Variants in ROBO2 observed in about 807,000 individuals in gnomAD.
The protein encoded by ROBO2 is roundabout homolog 2.
Under a neutral mutation model 160.8 loss-of-function variants are expected in ROBO2, and 53 were observed. That is an observed-to-expected ratio of 0.33 (90% CI 0.26 to 0.41). The LOEUF (loss-of-function observed/expected upper bound fraction) is 0.41, where lower values mean the gene tolerates loss of function less well. Ranked by LOEUF, ROBO2 falls within the 10% of genes least tolerant of loss-of-function variation. The probability of loss-of-function intolerance (pLI) is 1.00; values close to 1 mark genes in which losing one functional copy is unlikely to be tolerated. For synonymous variants in ROBO2, 664 were observed against 611.7 expected, an observed-to-expected ratio of 1.09 and a Z score of -1.26; for missense variants, 1,577 against 1,722.4, an observed-to-expected ratio of 0.92 and a Z score of 1.49.
intron 2 of ROBO2, among the ~76,000 whole-genome samples, chr3:77,116,637 T>C (rs1197998125): frequency 6.6e-6 from 1 of 152,172 alleles, no homozygotes; most frequent in African/African-American, 2.4e-5. Flanking sequence ...AACATTGCTT[T>C]TCTAATATGA....
intron 2 of ROBO2, among the ~76,000 whole-genome samples, chr3:76,432,111 A>G (rs1175824436): frequency 6.6e-6 from 1 of 152,148 alleles, no homozygotes; most frequent in Non-Finnish European, 1.5e-5. Flanking sequence ...ACAAAGTTGT[A>G]TGTTTACAAC....
At chr3:76,422,084 C>T (rs1372387132) in intron 2 of ROBO2, among the ~76,000 whole-genome samples, 1 of 152,162 alleles carries the variant, frequency 6.6e-6, no homozygotes, top group Non-Finnish European at 1.5e-5. Context: ...TGTAGAGCAA[C>T]AGAGGCTAAT....
intron 2 of ROBO2, among the ~76,000 whole-genome samples, chr3:76,784,475 C>G (rs1364189808): frequency 6.6e-6 from 1 of 151,096 alleles, no homozygotes; most frequent in African/African-American, 2.4e-5. Flanking sequence ...AACTAGCATG[C>G]CTTCTTCCAA....
At chr3:77,615,930 C>T (rs1269788786) in intron 21 of ROBO2, among the ~76,000 whole-genome samples, 3 of 152,184 alleles carry the variant, frequency 2.0e-5, no homozygotes, top group African/African-American at 7.2e-5. Flanking sequence ...TAGAGATGTA[C>T]ATTTCTGATA....
chr3:77,095,570 A>T (rs2070932053), intron 1 of ROBO2, among the ~76,000 whole-genome samples: 1 of 152,106 alleles, frequency 6.6e-6, no homozygotes, highest in Admixed American at 6.6e-5. Flanking sequence ...GCATAGGGAG[A>T]TTCATGGAGA....
chr3:77,011,041 C>A (rs1357187400), intron 2 of ROBO2, among the ~76,000 whole-genome samples: 1 of 75,110 alleles, frequency 1.3e-5, no homozygotes, highest in Non-Finnish European at 2.7e-5. Flanking sequence ...TCTTTCTTTT[C>A]TTTTCTTTCT....
chr3:76,993,464 AT>A (rs1487691789), intron 2 of ROBO2, among the ~76,000 whole-genome samples: 2 of 152,128 alleles, frequency 1.3e-5, no homozygotes, highest in South Asian at 2.1e-4. Flanking sequence ...TCATATCATA[AT>A]TTTTTAATAT....
rs182196283 is a variant in ROBO2 at position 76,357,649 on chromosome 3, G to A, written c.109+420047G>A. Among the ~76,000 whole-genome samples the A allele has an allele frequency of 1.6e-3, 239 of 151,910 alleles. 4 individuals carry two copies. The East Asian group carries it at 0.042, about 26-fold the overall frequency. On this transcript the variant is annotated intron_variant, in intron 2 of 26. Transcript: ENST00000487694. Reference sequence around the variant, plus strand: ...CCAATCAAGATTAATTGACTTGAACGTTTAATAACAAAAGCAAAACTGCCT... The same window carrying A: ...CCAATCAAGATTAATTGACTTGAACATTTAATAACAAAAGCAAAACTGCCT...
intron 2 of ROBO2, among the ~76,000 whole-genome samples, chr3:76,900,973 A>G (rs2075179547): frequency 6.6e-6 from 1 of 152,222 alleles, no homozygotes; most frequent in African/African-American, 2.4e-5. Flanking sequence ...TCTAAGCCAA[A>G]TTATTGCTTA....
chr3:75,949,284 T>G (rs2107169908), intron 2 of ROBO2, among the ~76,000 whole-genome samples: 1 of 152,228 alleles, frequency 6.6e-6, no homozygotes, highest in Admixed American at 6.6e-5. Flanking sequence ...TGGTCTACTT[T>G]TACTTTAGGG....
intron 2 of ROBO2, among the ~76,000 whole-genome samples, chr3:75,953,807 G>A (rs1948633531): frequency 6.6e-6 from 1 of 151,844 alleles, no homozygotes; most frequent in Admixed American, 6.6e-5. Flanking sequence ...AGCTTTACAA[G>A]CAATACATAT....
chr3:77,518,670 G>T (rs1263939636), intron 5 of ROBO2, among the ~76,000 whole-genome samples: 2 of 151,338 alleles, frequency 1.3e-5, no homozygotes, highest in African/African-American at 4.8e-5. Flanking sequence ...CCCAAATTTT[G>T]GTGCAATGCG....
At position 77,403,762 on chromosome 3, in the gene ROBO2, C is replaced by T. The variant is rs571909137; in HGVS notation, c.389-73652C>T. On this transcript the variant is annotated intron_variant, in intron 2 of 25. Transcript: ENST00000461745. ...ATTTTGTTTCCTTTTAAATATATACCCAGTCATGGGATTGTTGGATCATAT... is the reference window on the plus strand; with the variant it reads ...ATTTTGTTTCCTTTTAAATATATACTCAGTCATGGGATTGTTGGATCATAT... 2.0e-5 allele frequency among the ~76,000 whole-genome samples: 3 copies of T among 151,636 alleles called. No homozygotes were observed. The South Asian group carries it at 6.3e-4, about 32-fold the overall frequency.
intron 2 of ROBO2, among the ~76,000 whole-genome samples, chr3:76,955,668 G>A (rs868651047): frequency 6.6e-6 from 1 of 151,920 alleles, no homozygotes; most frequent in South Asian, 2.1e-4. Context: ...ACTAAAATAG[G>A]ACAATTATTT....
intron 2 of ROBO2, among the ~76,000 whole-genome samples, chr3:77,018,083 T>A (rs62249946): frequency 1.3e-5 from 2 of 152,076 alleles, no homozygotes; most frequent in Non-Finnish European, 2.9e-5. Flanking sequence ...AAAGTTGTTC[T>A]TTATGAATTC....
At chr3:76,631,168 T>G (rs2090006792) in intron 2 of ROBO2, among the ~76,000 whole-genome samples, 1 of 152,174 alleles carries the variant, frequency 6.6e-6, no homozygotes, top group African/African-American at 2.4e-5. Context: ...TTTTATGATA[T>G]TTAAAGGAAA....
At chr3:76,000,150 C>T (rs2107557296) in intron 2 of ROBO2, among the ~76,000 whole-genome samples, 1 of 152,196 alleles carries the variant, frequency 6.6e-6, no homozygotes, top group African/African-American at 2.4e-5. Flanking sequence ...GAGACCTTAA[C>T]ATTCATCATC....
At chr3:76,264,676 A>G (rs1262142102) in intron 2 of ROBO2, among the ~76,000 whole-genome samples, 1 of 152,266 alleles carries the variant, frequency 6.6e-6, no homozygotes, top group Non-Finnish European at 1.5e-5. Context: ...CAGAGGTTCA[A>G]ACTGAAACCT....
chr3:76,351,153 TA>T (rs1431725086), intron 2 of ROBO2, among the ~76,000 whole-genome samples: 1 of 151,820 alleles, frequency 6.6e-6, no homozygotes, highest in African/African-American at 2.4e-5. Context: ...CTTTTATAGG[TA>T]AAAAAATTGA....
Sources: gnomAD v4.1 joint callset for allele counts (sites outside exome capture counted in the v4.1 genomes callset) on GRCh38, gnomAD v4.1.1 for gene constraint, MANE v1.5 for transcripts, NCBI Gene and HGNC (gene_info 2026-07-23, HGNC 2026-07-21) for gene names.